The following CHCHD6 variants were observed in gnomAD, a reference collection of about 807,000 sequenced individuals.
The protein encoded by CHCHD6 is MICOS complex subunit MIC25.
CHCHD6 carries 28 observed loss-of-function variants against 32.3 expected under a neutral mutation model. The observed-to-expected ratio is 0.87, with a 90% CI of 0.64 to 1.19. CHCHD6 has a LOEUF of 1.19. CHCHD6 is among the 50% of genes most tolerant of loss of function. The probability of loss-of-function intolerance (pLI) is 0.00; values close to 1 mark genes in which losing one functional copy is unlikely to be tolerated. For synonymous variants in CHCHD6, 122 were observed against 117.5 expected (o/e 1.04, Z -0.25); for missense variants, 333 against 307.0 (o/e 1.08, Z -0.63).
chr3:126,881,685 A>G (rs2077612351), intron 5 of CHCHD6, among the ~76,000 whole-genome samples: 1 of 152,190 alleles, frequency 6.6e-6, no homozygotes, highest in African/African-American at 2.4e-5. Context: ...AGTCGGCTGG[A>G]GTATTGGAAG....
intron 6 of CHCHD6, among the ~76,000 whole-genome samples, chr3:126,947,612 C>T (rs1488275928): frequency 6.6e-6 from 1 of 152,180 alleles, no homozygotes; most frequent in Non-Finnish European, 1.5e-5. Flanking sequence ...ACCCCGTCTG[C>T]AGAACGGGGT....
At chr3:126,740,125 T>G (rs965348908) in intron 4 of CHCHD6, among the ~76,000 whole-genome samples, 1 of 152,218 alleles carries the variant, frequency 6.6e-6, no homozygotes, top group African/African-American at 2.4e-5. Flanking sequence ...CCATTCTGTT[T>G]GTCAGGGCTT....
At chr3:126,909,094 C>T (rs576084292) in intron 5 of CHCHD6, among the ~76,000 whole-genome samples, 7 of 152,236 alleles carry the variant, frequency 4.6e-5, no homozygotes, top group African/African-American at 1.7e-4. Flanking sequence ...CCTTCTCTCC[C>T]GTGGCGCCCA....
chr3:126,935,942 G>T (rs1460349831), intron 6 of CHCHD6, among the ~76,000 whole-genome samples: 1 of 152,236 alleles, frequency 6.6e-6, no homozygotes, highest in African/African-American at 2.4e-5. Flanking sequence ...TTCTGCTTTT[G>T]CTTGGGACTG....
At chr3:126,953,439 C>T (rs917994577) in intron 6 of CHCHD6, among the ~76,000 whole-genome samples, 1 of 152,184 alleles carries the variant, frequency 6.6e-6, no homozygotes, top group Non-Finnish European at 1.5e-5. Context: ...GCAGTTCCAC[C>T]ACCCCAGCAT....
At chr3:126,883,945 A>AGTACTTTTCTTTG (rs2077646059) in intron 5 of CHCHD6, among the ~76,000 whole-genome samples, 1 of 152,126 alleles carries the variant, frequency 6.6e-6, no homozygotes, top group Non-Finnish European at 1.5e-5. Flanking sequence ...TGGAGAGCAA[A>AGTACTTTTCTTTG]TATTCACTGA....
intron 5 of CHCHD6, among the ~76,000 whole-genome samples, chr3:126,903,153 T>G (rs1270717472): frequency 6.6e-6 from 1 of 152,304 alleles, no homozygotes; most frequent in East Asian, 1.9e-4. Context: ...TAAGAAACGC[T>G]GAGTGCAGTG....
chr3:126,911,097 G>A (rs1335770682), intron 5 of CHCHD6, among the ~76,000 whole-genome samples: 3 of 152,162 alleles, frequency 2.0e-5, no homozygotes, highest in Non-Finnish European at 4.4e-5. Flanking sequence ...TTCAGGTATT[G>A]GCTCCCAGGA....
At chr3:126,722,856 C>A (rs1196270029) in intron 1 of CHCHD6, among the ~76,000 whole-genome samples, 3 of 152,122 alleles carry the variant, frequency 2.0e-5, no homozygotes, top group African/African-American at 7.2e-5. Context: ...CTTTTGGTGT[C>A]ATCTCTAAGA....
intron 5 of CHCHD6, among the ~76,000 whole-genome samples, chr3:126,913,065 G>A (rs1415453351): frequency 6.6e-6 from 1 of 152,166 alleles, no homozygotes; most frequent in Non-Finnish European, 1.5e-5. Context: ...AATGTGCAAG[G>A]CAACGCAGCT....
intron 6 of CHCHD6, among the ~76,000 whole-genome samples, chr3:126,938,181 G>A (rs1246687040): frequency 6.6e-6 from 1 of 152,218 alleles, no homozygotes; most frequent in East Asian, 1.9e-4. Flanking sequence ...GGGGCCATTA[G>A]CTTGTGACTG....
intron 4 of CHCHD6, among the ~76,000 whole-genome samples, chr3:126,841,050 T>A (rs7636132): frequency 6.7e-6 from 1 of 149,778 alleles, no homozygotes; most frequent in Non-Finnish European, 1.5e-5. Context: ...CCCACTCCCC[T>A]CACCCCACAA....
At chr3:126,769,459 G>A (rs539127125) in intron 4 of CHCHD6, among the ~76,000 whole-genome samples, 181 of 152,138 alleles carry the variant, frequency 1.2e-3, no homozygotes, top group African/African-American at 2.4e-3. Flanking sequence ...GATATCTCCC[G>A]CTTTGTTCTT....
intron 5 of CHCHD6, among the ~76,000 whole-genome samples, chr3:126,895,653 T>G (rs2077828206): frequency 6.6e-6 from 1 of 152,220 alleles, no homozygotes; most frequent in Non-Finnish European, 1.5e-5. Flanking sequence ...TTTGTCCCTT[T>G]GTAGTTATTT....
chr3:126,899,508 G>A (rs1365388464), intron 5 of CHCHD6, among the ~76,000 whole-genome samples: 1 of 152,164 alleles, frequency 6.6e-6, no homozygotes, highest in East Asian at 1.9e-4. Flanking sequence ...TTCTGAGTGA[G>A]ATGAACCCAA....
At chr3:126,838,321 T>C (rs1376104187) in intron 4 of CHCHD6, among the ~76,000 whole-genome samples, 2 of 152,158 alleles carry the variant, frequency 1.3e-5, no homozygotes, top group Non-Finnish European at 2.9e-5. Context: ...CTGAGTTGCC[T>C]CTCCCTCCTG....
chr3:126,746,290 G>A (rs376159191), intron 4 of CHCHD6, among the ~76,000 whole-genome samples: 9 of 152,192 alleles, frequency 5.9e-5, no homozygotes, highest in African/African-American at 2.2e-4. Context: ...GGCCTGGGCA[G>A]CCTTGCTGGG....
At chr3:126,929,845 C>T (rs914552092) in intron 6 of CHCHD6, among the ~76,000 whole-genome samples, 1 of 152,204 alleles carries the variant, frequency 6.6e-6, no homozygotes, top group Non-Finnish European at 1.5e-5. Flanking sequence ...GGATTACAGG[C>T]ATGAGCCACC....
intron 4 of CHCHD6, among the ~76,000 whole-genome samples, chr3:126,788,726 G>C (rs1346991748): frequency 6.6e-6 from 1 of 151,410 alleles, no homozygotes; most frequent in Admixed American, 6.6e-5. Context: ...TTCTTCATTA[G>C]CCTTGCTAGC....
Sources: allele counts gnomAD v4.1 joint callset (sites outside exome capture counted in the v4.1 genomes callset), GRCh38; gene constraint gnomAD v4.1.1; transcripts MANE v1.5; gene names NCBI Gene and HGNC (gene_info 2026-07-23, HGNC 2026-07-21).